Variants in NEGR1 observed in about 807,000 individuals in gnomAD.
NEGR1 encodes IgLON family member 4.
A neutral mutation model predicts 40.9 loss-of-function variants in NEGR1; 10 were observed. That is an observed-to-expected ratio of 0.24 (90% CI 0.15 to 0.42). The LOEUF is 0.42. Ranked by LOEUF, NEGR1 falls within the 10% of genes least tolerant of loss-of-function variation. The pLI, the probability that NEGR1 is intolerant of heterozygous loss-of-function variation, is 1.00. For synonymous variants in NEGR1, 185 were observed against 166.8 expected, an observed-to-expected ratio of 1.11 and a Z score of -0.84; for missense variants, 352 against 438.9, an observed-to-expected ratio of 0.80 and a Z score of 1.77.
At chr1:71,589,672 A>G (rs1185034337) in intron 6 of NEGR1, among the ~76,000 whole-genome samples, 1 of 152,112 alleles carries the variant, frequency 6.6e-6, no homozygotes, top group Non-Finnish European at 1.5e-5. Context: ...AGATTTGGTC[A>G]TTAATGGCTA....
intron 1 of NEGR1, among the ~76,000 whole-genome samples, chr1:71,993,733 A>G (rs746995589): frequency 2.0e-5 from 3 of 152,184 alleles, no homozygotes; most frequent in Non-Finnish European, 4.4e-5. Context: ...TATTGTATCT[A>G]TTGTATAGAT....
At chr1:71,900,090 T>A (rs1264913108) in intron 2 of NEGR1, among the ~76,000 whole-genome samples, 1 of 152,178 alleles carries the variant, frequency 6.6e-6, no homozygotes, top group African/African-American at 2.4e-5. Context: ...AAAAATACAG[T>A]ATACCACTGA....
intron 4 of NEGR1, among the ~76,000 whole-genome samples, chr1:71,661,387 C>T (rs915125787): frequency 2.6e-5 from 4 of 152,242 alleles, no homozygotes; most frequent in African/African-American, 9.6e-5. Flanking sequence ...CAGGGACAAG[C>T]TAATTGTGCT....
At chr1:72,040,577 C>CAAAAAAAAAAAAAAAAAAA (rs5775102) in intron 1 of NEGR1, among the ~76,000 whole-genome samples, 7 of 29,706 alleles carry the variant, frequency 2.4e-4, no homozygotes, top group East Asian at 2.5e-3. Context: ...GAGCACTGAC[C>CAAAAAAAAAAAAAAAAAAA]AAAAAAAAAA....
At chr1:71,890,092 G>C (rs1208793839) in intron 2 of NEGR1, among the ~76,000 whole-genome samples, 1 of 130,658 alleles carries the variant, frequency 7.7e-6, no homozygotes, top group East Asian at 2.3e-4. Flanking sequence ...AGGAACAACC[G>C]GTACCAGCCG....
intron 1 of NEGR1, among the ~76,000 whole-genome samples, chr1:71,972,008 G>A (rs930690567): frequency 1.3e-5 from 2 of 152,132 alleles, no homozygotes; most frequent in Admixed American, 1.3e-4. Flanking sequence ...TGACAGAAAT[G>A]AACTATCCAT....
intron 1 of NEGR1, among the ~76,000 whole-genome samples, chr1:72,108,629 A>C (rs1382353430): frequency 6.6e-6 from 1 of 151,686 alleles, no homozygotes; most frequent in African/African-American, 2.4e-5. Context: ...GTTGCTTTAC[A>C]GAATTCATGA....
intron 6 of NEGR1, among the ~76,000 whole-genome samples, chr1:71,591,512 C>A (rs1649499393): frequency 6.6e-6 from 1 of 151,862 alleles, no homozygotes; most frequent in African/African-American, 2.4e-5. Flanking sequence ...ATATTTAAAC[C>A]ATTTAAAATA....
At chr1:71,721,251 C>T (rs1188258732) in intron 3 of NEGR1, among the ~76,000 whole-genome samples, 1 of 152,076 alleles carries the variant, frequency 6.6e-6, no homozygotes, top group African/African-American at 2.4e-5. Context: ...GTCCTTGATT[C>T]TCAAATCATA....
At chr1:71,988,504 A>C (rs930035343) in intron 1 of NEGR1, among the ~76,000 whole-genome samples, 8 of 135,090 alleles carry the variant, frequency 5.9e-5, no homozygotes, top group Non-Finnish European at 1.1e-4. Flanking sequence ...GCGCCACTGC[A>C]GTCCGCAGTC....
intron 2 of NEGR1, among the ~76,000 whole-genome samples, chr1:71,898,880 AAATATATATATATTG>A (rs1661049091): frequency 1.3e-5 from 1 of 75,136 alleles, no homozygotes; most frequent in Non-Finnish European, 2.8e-5. Flanking sequence ...TATATATTGC[AAATATATATATATTG>A]CAAATATATA....
chr1:71,910,690 A>C (rs2101872775), intron 2 of NEGR1, among the ~76,000 whole-genome samples: 1 of 151,944 alleles, frequency 6.6e-6, no homozygotes, highest in South Asian at 2.1e-4. Context: ...CTAGAGCCTT[A>C]GGTTTTTGTT....
chr1:72,197,581 T>C (rs1032859841), intron 1 of NEGR1, among the ~76,000 whole-genome samples: 2 of 152,028 alleles, frequency 1.3e-5, no homozygotes, highest in African/African-American at 4.8e-5. Context: ...ATTATAAACA[T>C]GCCACTTTAT....
intron 2 of NEGR1, among the ~76,000 whole-genome samples, chr1:71,925,318 C>G (rs140295092): frequency 6.6e-6 from 1 of 152,158 alleles, no homozygotes; most frequent in Non-Finnish European, 1.5e-5. Context: ...CCTGCAAATG[C>G]GGGCTAGAAA....
intron 3 of NEGR1, among the ~76,000 whole-genome samples, chr1:71,749,721 A>G (rs983659930): frequency 1.3e-5 from 2 of 152,100 alleles, no homozygotes; most frequent in African/African-American, 4.8e-5. Flanking sequence ...CTTTTTCATT[A>G]TTTGAAGAAC....
chr1:72,261,047 G>A (rs1655437235), intron 1 of NEGR1, among the ~76,000 whole-genome samples: 1 of 151,950 alleles, frequency 6.6e-6, no homozygotes, highest in South Asian at 2.1e-4. Context: ...AAATGAGCAT[G>A]TTATAAAAAA....
intron 1 of NEGR1, among the ~76,000 whole-genome samples, chr1:71,940,569 C>T (rs78508606): frequency 6.6e-6 from 1 of 152,060 alleles, no homozygotes; most frequent in Non-Finnish European, 1.5e-5. Context: ...ATATTTAATT[C>T]TTTTCTAATA....
chr1:71,574,270 T>G (rs915151292), intron 6 of NEGR1, among the ~76,000 whole-genome samples: 1 of 152,196 alleles, frequency 6.6e-6, no homozygotes, highest in Admixed American at 6.5e-5. Flanking sequence ...GTTGACTTTC[T>G]GCCTATTGTT....
At chr1:71,687,954 T>C (rs1653092794) in intron 4 of NEGR1, among the ~76,000 whole-genome samples, 1 of 152,158 alleles carries the variant, frequency 6.6e-6, no homozygotes, top group South Asian at 2.1e-4. Context: ...ATCTATAAGA[T>C]GAAGAAATTT....
Sources: gnomAD v4.1 joint callset for allele counts (sites outside exome capture counted in the v4.1 genomes callset) on GRCh38, gnomAD v4.1.1 for gene constraint, MANE v1.5 for transcripts, NCBI Gene and HGNC (gene_info 2026-07-23, HGNC 2026-07-21) for gene names.